Variants in KCND2 observed in about 807,000 individuals in gnomAD.
KCND2 encodes A-type voltage-gated potassium channel KCND2.
A neutral mutation model predicts 54.4 loss-of-function variants in KCND2; 16 were observed. The ratio of observed to expected loss-of-function variants is 0.29; its 90% CI spans 0.20 to 0.45. KCND2 has a LOEUF of 0.45. Among genes scored for constraint, KCND2 ranks in the 20% least tolerant of loss-of-function variants. The probability of loss-of-function intolerance (pLI) is 1.00; values close to 1 mark genes in which losing one functional copy is unlikely to be tolerated. For synonymous variants in KCND2, 317 were observed against 310.7 expected, an observed-to-expected ratio of 1.02 and a Z score of -0.21; for missense variants, 486 against 824.2, an observed-to-expected ratio of 0.59 and a Z score of 5.02.
At chr7:120,675,368 G>T (rs910582425) in intron 1 of KCND2, among the ~76,000 whole-genome samples, 3 of 151,886 alleles carry the variant, frequency 2.0e-5, no homozygotes, top group African/African-American at 7.3e-5. Flanking sequence ...GGGATTACAG[G>T]TATGCACCAC....
At chr7:120,457,932 G>A (rs1584787176) in intron 1 of KCND2, among the ~76,000 whole-genome samples, 2 of 152,276 alleles carry the variant, frequency 1.3e-5, no homozygotes, top group South Asian at 4.2e-4. Flanking sequence ...GTTTCGAAGG[G>A]TTGTGGAGGC....
chr7:120,733,014 C>T lies in KCND2; in HGVS notation c.1227C>T (p.Phe409=), dbSNP rs753977756. The T allele has an allele frequency of 1.5e-5, 25 of 1,613,546 alleles. No homozygotes were observed. Among genetic ancestry groups the T allele is most frequent in the Non-Finnish European group, 1.4e-5 (17 of 1,179,764 alleles). The stretch of plus-strand genomic sequence containing the variant: ...CTGTTCCGGTGATTGTATCCAACTT[C>T]AGTCGCATCTACCACCAGAATCAAC... ...ALPVPVIVSN[F]SRIYHQNQRA... is the part of the protein sequence containing the mutation. The change falls in exon 2 of 6, where the codon TTC becomes TTT. Residue 409 remains phenylalanine, a synonymous_variant. Transcript: ENST00000331113.
intron 1 of KCND2, among the ~76,000 whole-genome samples, chr7:120,429,831 T>A (rs1470735009): frequency 6.6e-6 from 1 of 152,198 alleles, no homozygotes; most frequent in East Asian, 1.9e-4. Context: ...AATAGAGACT[T>A]TCTTGATGAG....
At chr7:120,710,903 A>G (rs1792529373) in intron 1 of KCND2, among the ~76,000 whole-genome samples, 1 of 152,106 alleles carries the variant, frequency 6.6e-6, no homozygotes, top group South Asian at 2.1e-4. Context: ...AACTAGAACT[A>G]TTATATCTTT....
intron 1 of KCND2, among the ~76,000 whole-genome samples, chr7:120,329,606 T>G (rs1800033296): frequency 6.6e-6 from 1 of 152,196 alleles, no homozygotes; most frequent in African/African-American, 2.4e-5. Context: ...GGCTAATATA[T>G]CTTTTTCTGG....
At chr7:120,629,864 A>C (rs758129565) in intron 1 of KCND2, among the ~76,000 whole-genome samples, 12 of 152,172 alleles carry the variant, frequency 7.9e-5, no homozygotes, top group Admixed American at 2.6e-4. Context: ...TATTGGAACA[A>C]ATAAGTGGAA....
chr7:120,400,875 A>G (rs1433473507), intron 1 of KCND2, among the ~76,000 whole-genome samples: 1 of 152,118 alleles, frequency 6.6e-6, no homozygotes, highest in African/African-American at 2.4e-5. Flanking sequence ...TGATTCAGAT[A>G]ACCTTTAGCA....
intron 1 of KCND2, among the ~76,000 whole-genome samples, chr7:120,448,109 C>A (rs940781081): frequency 5.3e-5 from 8 of 152,092 alleles, no homozygotes; most frequent in Non-Finnish European, 1.0e-4. Flanking sequence ...ATACATGTGC[C>A]ATGTTGGTGT....
chr7:120,482,226 C>T (rs747901936), intron 1 of KCND2, among the ~76,000 whole-genome samples: 61 of 152,152 alleles, frequency 4.0e-4, no homozygotes, highest in Non-Finnish European at 6.5e-4. Context: ...TTGCCCTTAT[C>T]GCTGCTTGTC....
At chr7:120,509,263 G>A (rs73437836) in intron 1 of KCND2, among the ~76,000 whole-genome samples, 3,966 of 151,986 alleles carry the variant, frequency 0.026, 155 homozygotes, top group African/African-American at 0.089. Flanking sequence ...AAACATTTGA[G>A]TAAAGTATGG....
At chr7:120,278,530 T>A (rs985733244) in intron 1 of KCND2, among the ~76,000 whole-genome samples, 1 of 151,160 alleles carries the variant, frequency 6.6e-6, no homozygotes, top group African/African-American at 2.4e-5. Flanking sequence ...GAACGTTATC[T>A]ACATGAGAAT....
At position 120,275,327 on chromosome 7, in the gene KCND2, T is replaced by C; in HGVS notation, c.695T>C (p.Leu232Ser). 6.2e-7 allele frequency: 1 copy of C among 1,613,734 alleles called. No individual in the cohort carries two copies. Among genetic ancestry groups the C allele is most frequent in the Non-Finnish European group, 8.5e-7 (1 of 1,179,924 alleles). ...CGGTATGCTGTGGCCTTCTTCTGCT[T>C]GGACACGGCCTGCGTCATGATCTTC... ...GERYAVAFFC[L>S]DTACVMIFTV... Residue 232 changes from leucine (L) to serine (S), a missense_variant, in exon 1 of 6, where the codon TTG (leucine) becomes TCG (serine). Leu to Ser is a moderately radical substitution (Grantham distance 145). Coordinates refer to ENST00000331113, the MANE Select transcript of KCND2 (RefSeq NM_012281.3).
chr7:120,603,119 G>A (rs1357135452), intron 1 of KCND2, among the ~76,000 whole-genome samples: 1 of 152,164 alleles, frequency 6.6e-6, no homozygotes, highest in Non-Finnish European at 1.5e-5. Context: ...TCATTGACAT[G>A]TGACCTATTA....
chr7:120,637,579 T>C (rs1238048116), intron 1 of KCND2, among the ~76,000 whole-genome samples: 1 of 152,142 alleles, frequency 6.6e-6, no homozygotes, highest in Non-Finnish European at 1.5e-5. Flanking sequence ...TTTCTATCCA[T>C]TTCTGATATA....
rs78722632 is a variant in KCND2, at chr7:120,645,009, C to T, written c.1116-87894C>T. The stretch of plus-strand genomic sequence containing the variant: ...TCTAAACTTTTTATATGTCCCATAT[C>T]TGCCTTTAATGTCTCTCTGTGCCTA... On this transcript the variant is annotated intron_variant, in intron 1 of 5. Coordinates refer to ENST00000331113, the MANE Select transcript of KCND2 (RefSeq NM_012281.3). 8.7e-3 allele frequency among the ~76,000 whole-genome samples: 1,328 copies of T among 152,138 alleles called. 15 individuals are homozygous for T. The highest frequency in any genetic ancestry group is 0.029 in the African/African-American group (1,208 of 41,510).
At chr7:120,608,360 A>G (rs1393620145) in intron 1 of KCND2, among the ~76,000 whole-genome samples, 1 of 152,136 alleles carries the variant, frequency 6.6e-6, no homozygotes, top group African/African-American at 2.4e-5. Context: ...GTTCTAGGAA[A>G]TAGGAATATA....
intron 1 of KCND2, among the ~76,000 whole-genome samples, chr7:120,369,635 C>A (rs1800738694): frequency 6.6e-6 from 1 of 151,968 alleles, no homozygotes; most frequent in Admixed American, 6.6e-5. Context: ...GCTTTATTTA[C>A]ATTTTGGCAC....
At chr7:120,292,239 T>G (rs892434772) in intron 1 of KCND2, among the ~76,000 whole-genome samples, 2 of 151,978 alleles carry the variant, frequency 1.3e-5, no homozygotes, top group Admixed American at 1.3e-4. Context: ...ATTTGTATTT[T>G]GACACATTTC....
At chr7:120,703,276 A>T (rs188511677) in intron 1 of KCND2, among the ~76,000 whole-genome samples, 4 of 152,298 alleles carry the variant, frequency 2.6e-5, no homozygotes. Flanking sequence ...ACCCTTCATC[A>T]GCAATTTCCT....
Sources: allele counts gnomAD v4.1 joint callset (sites outside exome capture counted in the v4.1 genomes callset), GRCh38; gene constraint gnomAD v4.1.1; transcripts MANE v1.5; gene names NCBI Gene and HGNC (gene_info 2026-07-23, HGNC 2026-07-21).